The following KCNAB1 variants were observed in gnomAD, a reference collection of about 807,000 sequenced individuals.
The protein encoded by KCNAB1 is voltage-gated potassium channel subunit beta-1.
KCNAB1 carries 35 observed loss-of-function variants against 64.6 expected under a neutral mutation model. The ratio of observed to expected loss-of-function variants is 0.54; its 90% CI spans 0.41 to 0.72. KCNAB1 has a LOEUF of 0.72. KCNAB1 is among the 30% of genes least tolerant of loss of function. The pLI is 0.00. For synonymous variants in KCNAB1, 177 were observed against 183.8 expected (o/e 0.96, Z 0.30); for missense variants, 401 against 512.9 (o/e 0.78, Z 2.11).
chr3:156,130,606 A>G (rs1264603984), intron 1 of KCNAB1, among the ~76,000 whole-genome samples: 1 of 152,216 alleles, frequency 6.6e-6, no homozygotes, highest in African/African-American at 2.4e-5. Context: ...GAATCTGGAG[A>G]CTCAGGCTGC....
At chr3:156,326,160 T>C (rs756044690) in intron 1 of KCNAB1, among the ~76,000 whole-genome samples, 1 of 152,184 alleles carries the variant, frequency 6.6e-6, no homozygotes, top group Non-Finnish European at 1.5e-5. Flanking sequence ...TGCTTATTCA[T>C]TTCTTCTTTC....
chr3:156,236,561 C>T (rs1248734033), intron 1 of KCNAB1, among the ~76,000 whole-genome samples: 1 of 152,182 alleles, frequency 6.6e-6, no homozygotes, highest in Non-Finnish European at 1.5e-5. Context: ...GCTGCAGCAG[C>T]TGAACGGTTG....
chr3:156,119,389 C>T (rs1713220893), upstream of KCNAB1, among the ~76,000 whole-genome samples: 1 of 152,170 alleles, frequency 6.6e-6, no homozygotes, highest in African/African-American at 2.4e-5. Context: ...CAGAGGAGGC[C>T]TTATGACAGC....
intron 1 of KCNAB1, among the ~76,000 whole-genome samples, chr3:156,401,898 T>C (rs1713920267): frequency 6.6e-6 from 1 of 151,688 alleles, no homozygotes. Context: ...TAGTAGTGTT[T>C]GGAGAAGCAA....
rs571553146 is a variant in KCNAB1, at chr3:156,310,237, C to A, written c.276-111379C>A. On this transcript the variant is annotated intron_variant, in intron 1 of 13. Transcript: ENST00000490337. ...CCAAGAGAATCACTTATAAAACTTG[C>A]CATGACTGTACAACATCTTTAAAAT... Among the ~76,000 whole-genome samples the A allele has an allele frequency of 5.9e-5, 9 of 152,292 alleles. No homozygotes were observed. In the South Asian group the frequency reaches 1.9e-3, roughly 32 times the overall value.
At chr3:156,473,152 T>C (rs1248363574) in intron 7 of KCNAB1, among the ~76,000 whole-genome samples, 6 of 152,184 alleles carry the variant, frequency 3.9e-5, no homozygotes, top group Non-Finnish European at 7.4e-5. Context: ...CCTGAAACTT[T>C]CCAGATGCGA....
At chr3:156,482,697 C>G (rs1714918298) in intron 8 of KCNAB1, among the ~76,000 whole-genome samples, 1 of 151,984 alleles carries the variant, frequency 6.6e-6, no homozygotes, top group Non-Finnish European at 1.5e-5. Flanking sequence ...CCCTGGTTTT[C>G]TTATCTGTAG....
intron 1 of KCNAB1, among the ~76,000 whole-genome samples, chr3:156,294,144 C>T (rs942641326): frequency 6.6e-6 from 1 of 152,200 alleles, no homozygotes; most frequent in African/African-American, 2.4e-5. Context: ...TCTGGTGGCA[C>T]AGCTCAACTC....
intron 12 of KCNAB1, among the ~76,000 whole-genome samples, chr3:156,524,894 G>A: frequency 6.6e-6 from 1 of 151,948 alleles, no homozygotes; most frequent in Non-Finnish European, 1.5e-5. Context: ...AGATTATAAT[G>A]GAGCTGAAAA....
intron 1 of KCNAB1, among the ~76,000 whole-genome samples, chr3:156,274,873 T>TGA (rs1479889323): frequency 6.6e-6 from 1 of 152,218 alleles, no homozygotes; most frequent in Non-Finnish European, 1.5e-5. Flanking sequence ...TTTTTTCTGG[T>TGA]GAGAACACTT....
intron 1 of KCNAB1, among the ~76,000 whole-genome samples, chr3:156,327,829 T>C (rs948819621): frequency 7.2e-5 from 11 of 152,146 alleles, no homozygotes; most frequent in African/African-American, 2.7e-4. Context: ...GATAGGTGGC[T>C]TTCTTCATTC....
intron 12 of KCNAB1, among the ~76,000 whole-genome samples, chr3:156,526,378 CAT>C (rs1321551391): frequency 6.6e-5 from 10 of 152,224 alleles, no homozygotes; most frequent in Admixed American, 2.6e-4. Flanking sequence ...TAAAGTGAAA[CAT>C]GTGAAATTAA....
At chr3:156,182,011 T>A (rs1231381884) in intron 1 of KCNAB1, among the ~76,000 whole-genome samples, 1 of 152,166 alleles carries the variant, frequency 6.6e-6, no homozygotes, top group African/African-American at 2.4e-5. Context: ...CTAATTGTAT[T>A]TGGGAGGCAG....
rs1560112345 is a variant in KCNAB1 at position 156,158,177 on chromosome 3, AAAAAATAAAT to A, written c.275+37295_275+37304del. Among the ~76,000 whole-genome samples the A allele has an allele frequency of 2.0e-3, 58 of 28,412 alleles. 1 individual carries two copies. Among genetic ancestry groups the A allele is most frequent in the African/African-American group, 5.9e-3 (55 of 9,314 alleles). 18.6% of individuals were successfully genotyped at this position (28,412 alleles called of 152,430 possible). A position where few individuals can be genotyped will look rare whatever the true frequency, so the allele number is the denominator to read the frequency against. Reference sequence around the variant, plus strand: ...GAAACTCTGTCTCAAAAAAAAAAATAAAAAATAAATAAATAAATAAATAAATAAATAAATA... The same window carrying A: ...GAAACTCTGTCTCAAAAAAAAAAATAAAATAAATAAATAAATAAATAAATA... On this transcript the variant is annotated intron_variant, in intron 1 of 13. Coordinates refer to ENST00000490337, the MANE Select transcript of KCNAB1 (RefSeq NM_172160.3).
chr3:156,514,166 T>C (rs1360083744), intron 8 of KCNAB1, among the ~76,000 whole-genome samples, 198 bp from the exon 9 acceptor site: 1 of 152,226 alleles, frequency 6.6e-6, no homozygotes, highest in African/African-American at 2.4e-5. Flanking sequence ...GGAATGTCAG[T>C]TTGCCCAAAG....
chr3:156,298,484 A>G (rs904494551), intron 1 of KCNAB1, among the ~76,000 whole-genome samples: 2 of 152,224 alleles, frequency 1.3e-5, no homozygotes, highest in African/African-American at 4.8e-5. Context: ...ATTTCAATTT[A>G]TGGTAATTTG....
At chr3:156,529,549 A>T (rs903358093) in intron 12 of KCNAB1, among the ~76,000 whole-genome samples, 1 of 151,660 alleles carries the variant, frequency 6.6e-6, no homozygotes, top group Non-Finnish European at 1.5e-5. Context: ...ATTACCTAGG[A>T]GTGTGTTAAA....
chr3:156,354,029 A>ATG (rs1263136415), intron 1 of KCNAB1, among the ~76,000 whole-genome samples: 8 of 139,630 alleles, frequency 5.7e-5, no homozygotes, highest in African/African-American at 2.3e-4. Flanking sequence ...TATTGTCATA[A>ATG]TGTGTGTGTG....
At chr3:156,269,513 G>A (rs1718906193) in intron 1 of KCNAB1, among the ~76,000 whole-genome samples, 1 of 152,182 alleles carries the variant, frequency 6.6e-6, no homozygotes, top group African/African-American at 2.4e-5. Flanking sequence ...AGGTACACTT[G>A]ACCTATAGGG....
Sources: gnomAD v4.1 joint callset for allele counts (sites outside exome capture counted in the v4.1 genomes callset) on GRCh38, gnomAD v4.1.1 for gene constraint, MANE v1.5 for transcripts, NCBI Gene and HGNC (gene_info 2026-07-23, HGNC 2026-07-21) for gene names.